Variants in JAK1 observed in about 807,000 individuals in gnomAD.
The protein encoded by JAK1 is Janus kinase 1.
In JAK1, 16 loss-of-function variants were observed where a neutral mutation model predicts 136.6. That is an observed-to-expected ratio of 0.12 (90% CI 0.08 to 0.18). The LOEUF is 0.18. Among genes scored for constraint, JAK1 ranks in the 10% least tolerant of loss-of-function variants. The pLI is 1.00. For synonymous variants in JAK1, 492 were observed against 519.5 expected, an observed-to-expected ratio of 0.95 and a Z score of 0.72; for missense variants, 859 against 1,450.1, an observed-to-expected ratio of 0.59 and a Z score of 6.62.
chr1:65,023,669 G>C (rs1156732149), intron 2 of JAK1, among the ~76,000 whole-genome samples: 2 of 152,110 alleles, frequency 1.3e-5, no homozygotes, highest in African/African-American at 2.4e-5. Context: ...ATTTTTAGTA[G>C]AGATGGGGTT....
intron 1 of JAK1, among the ~76,000 whole-genome samples, chr1:64,909,013 C>T (rs1005960552): frequency 2.0e-5 from 3 of 152,306 alleles, no homozygotes; most frequent in African/African-American, 2.4e-5. Context: ...AACGAACGAA[C>T]GAGCTAATTA....
intron 2 of JAK1, chr1:64,972,657 C>T (rs1215273555): frequency 6.6e-6 from 1 of 152,214 alleles, no homozygotes; most frequent in East Asian, 1.9e-4. Flanking sequence ...GGTGTGGTGG[C>T]TTGTGCCTGT....
intron 1 of JAK1, among the ~76,000 whole-genome samples, chr1:64,958,030 A>G (rs1646221942): frequency 6.6e-6 from 1 of 152,222 alleles, no homozygotes; most frequent in South Asian, 2.1e-4. Flanking sequence ...TCACTGTAAC[A>G]AACAGTAATA....
At chr1:65,061,754 A>G (rs1389397865) in intron 1 of JAK1, among the ~76,000 whole-genome samples, 1 of 152,212 alleles carries the variant, frequency 6.6e-6, no homozygotes, top group African/African-American at 2.4e-5. Context: ...CACAGAATGT[A>G]TACTTGCATT....
chr1:64,848,883 T>C (rs310220), intron 12 of JAK1, among the ~76,000 whole-genome samples: 62,680 of 152,046 alleles, frequency 0.41, 14,455 homozygotes, highest in African/African-American at 0.63. Context: ...CACCATTTGT[T>C]ATCTGTCAGA....
At chr1:64,889,547 C>T (rs533587052) in intron 1 of JAK1, among the ~76,000 whole-genome samples, 1 of 152,188 alleles carries the variant, frequency 6.6e-6, no homozygotes, top group South Asian at 2.1e-4. Flanking sequence ...ACTCAAATTG[C>T]TTCAGTTTAC....
intron 1 of JAK1, among the ~76,000 whole-genome samples, chr1:64,916,961 A>G (rs2100337122): frequency 6.6e-6 from 1 of 152,262 alleles, no homozygotes. Flanking sequence ...TCCTAAAGAA[A>G]AGACAAAGAA....
intron 1 of JAK1, chr1:64,918,313 A>G (rs1209612097): frequency 6.6e-6 from 1 of 152,228 alleles, no homozygotes; most frequent in African/African-American, 2.4e-5. Flanking sequence ...ATAGAAAATT[A>G]AATATATTTA....
At chr1:64,860,050 C>A in intron 9 of JAK1, 55 bp downstream of exon 9, 1 of 1,386,858 alleles carries the variant, frequency 7.2e-7, no homozygotes, top group South Asian at 1.8e-5. Context: ...TGCCCCATCA[C>A]TAAAACACGG....
intron 1 of JAK1, among the ~76,000 whole-genome samples, chr1:64,947,374 C>T (rs1051252600): frequency 6.6e-6 from 1 of 152,328 alleles, no homozygotes; most frequent in Non-Finnish European, 1.5e-5. Flanking sequence ...CACTGTCCAC[C>T]TTCCAGACCA....
intron 1 of JAK1, among the ~76,000 whole-genome samples, chr1:65,059,867 A>G (rs1342371933): frequency 1.3e-5 from 2 of 152,192 alleles, no homozygotes; most frequent in Admixed American, 6.5e-5. Context: ...TGTACTTCAA[A>G]TAAGTCAGGT....
At chr1:64,969,313 G>A (rs1446002087), upstream of JAK1, among the ~76,000 whole-genome samples, 2 of 151,824 alleles carry the variant, frequency 1.3e-5, no homozygotes, top group Non-Finnish European at 2.9e-5. Context: ...TGTTGTAGTG[G>A]GGGTGTCCTG....
chr1:65,038,954 G>GTGTGTGTGTT (rs978853839), intron 2 of JAK1, among the ~76,000 whole-genome samples: 1 of 151,748 alleles, frequency 6.6e-6, no homozygotes, highest in Non-Finnish European at 1.5e-5. Flanking sequence ...GTGTGTGTGT[G>GTGTGTGTGTT]TGTGTGTGTT....
chr1:64,839,445 T>G, intron 20 of JAK1, 158 bp downstream of exon 20: 3 of 604,654 alleles, frequency 5.0e-6, no homozygotes, highest in South Asian at 2.7e-5. Context: ...TGCTGAGGGA[T>G]TTGACATATG....
intron 5 of JAK1, among the ~76,000 whole-genome samples, chr1:64,872,052 A>G (rs1657104018): frequency 1.3e-5 from 2 of 152,124 alleles, no homozygotes; most frequent in South Asian, 4.1e-4. Context: ...CTGCAGCCAC[A>G]TGGTCTCTCC....
At chr1:64,860,973 T>A (rs1028809876) in intron 8 of JAK1, among the ~76,000 whole-genome samples, 18 of 147,626 alleles carry the variant, frequency 1.2e-4, no homozygotes, top group Non-Finnish European at 2.5e-4. Flanking sequence ...TGTGTATGTG[T>A]GTGTGTGTTG....
Position 64,847,269 on chromosome 1 carries a change from C to T in JAK1, c.1899+263G>A, listed in dbSNP as rs1342719724. Among the ~76,000 whole-genome samples the T allele has an allele frequency of 2.4e-4, 37 of 152,040 alleles. 1 individual carries two copies. Among genetic ancestry groups the T allele is most frequent in the Admixed American group, 2.4e-3 (36 of 15,268 alleles). ...GAGTCCTAGGGCTCCACAGCACAGC[C>T]ACCTGGACCTGTCCTTAGGAAAGGT... On this transcript the variant is annotated intron_variant, in intron 13 of 24. Transcript: ENST00000342505.
intron 1 of JAK1, among the ~76,000 whole-genome samples, chr1:64,912,457 C>A (rs1645300801): frequency 6.6e-6 from 1 of 152,220 alleles, no homozygotes; most frequent in South Asian, 2.1e-4. Context: ...AGCTGTGGGG[C>A]AGATCCTAGT....
intron 1 of JAK1, among the ~76,000 whole-genome samples, chr1:64,948,796 AT>A (rs375264558): frequency 5.4e-4 from 83 of 152,358 alleles, no homozygotes; most frequent in Non-Finnish European, 1.1e-3. Flanking sequence ...TCTTCCAGCC[AT>A]TTAACATGGC....
Sources: gnomAD v4.1 joint callset for allele counts (sites outside exome capture counted in the v4.1 genomes callset) on GRCh38, gnomAD v4.1.1 for gene constraint, MANE v1.5 for transcripts, NCBI Gene and HGNC (gene_info 2026-07-23, HGNC 2026-07-21) for gene names.